The following KSR2 variants were observed in gnomAD, a reference collection of about 807,000 sequenced individuals.
KSR2 encodes kinase suppressor of ras 2.
KSR2 carries 25 observed loss-of-function variants against 107.8 expected under a neutral mutation model. The observed-to-expected ratio is 0.23, with a 90% CI of 0.17 to 0.32. The LOEUF (loss-of-function observed/expected upper bound fraction) is 0.32, where lower values mean the gene tolerates loss of function less well. KSR2 is among the 10% of genes least tolerant of loss of function. The pLI is 1.00. For missense variants in KSR2, 887 were observed against 1,268.9 expected, an observed-to-expected ratio of 0.70 and a Z score of 4.57; for synonymous variants, 480 against 507.0, an observed-to-expected ratio of 0.95 and a Z score of 0.71.
chr12:117,765,979 C>T lies in KSR2; in HGVS notation c.473-4455G>A, dbSNP rs112516327. Among the ~76,000 whole-genome samples the T allele has an allele frequency of 1.2e-4, 18 of 152,286 alleles. 2 individuals carry two copies. Among genetic ancestry groups the T allele is most frequent in the African/African-American group, 3.6e-4 (15 of 41,568 alleles). ...TGCCCAGGCATTCACTATGCCAGCC[C>T]CTGCCCTCAAGATGATCCCAGTCTA... On this transcript the variant is annotated intron_variant, in intron 3 of 19. Transcript: ENST00000339824.
At chr12:117,752,844 T>C (rs1292366899) in intron 4 of KSR2, among the ~76,000 whole-genome samples, 2 of 152,236 alleles carry the variant, frequency 1.3e-5, no homozygotes, top group Non-Finnish European at 2.9e-5. Context: ...GCCATTTGTA[T>C]TGTGGGCAGA....
intron 14 of KSR2, among the ~76,000 whole-genome samples, chr12:117,497,079 T>C (rs777780647): frequency 3.9e-5 from 6 of 151,922 alleles, no homozygotes; most frequent in African/African-American, 7.3e-5. Context: ...GGTATCACCA[T>C]GTTGTCCAGG....
At chr12:117,737,390 G>A (rs1887986517) in intron 4 of KSR2, among the ~76,000 whole-genome samples, 1 of 152,118 alleles carries the variant, frequency 6.6e-6, no homozygotes, top group African/African-American at 2.4e-5. Flanking sequence ...CAGGAAATGG[G>A]TTAAGGTGGT....
intron 3 of KSR2, among the ~76,000 whole-genome samples, chr12:117,833,469 C>T (rs1447877460): frequency 6.6e-6 from 1 of 152,128 alleles, no homozygotes; most frequent in Non-Finnish European, 1.5e-5. Context: ...CTCAAGAGAT[C>T]CTCCAGCCTT....
At chr12:117,846,898 A>G (rs1039210558) in intron 3 of KSR2, among the ~76,000 whole-genome samples, 39 of 152,302 alleles carry the variant, frequency 2.6e-4, no homozygotes, top group African/African-American at 9.4e-4. Context: ...AGCCTTCCCC[A>G]CCACTGTTAT....
intron 7 of KSR2, among the ~76,000 whole-genome samples, chr12:117,568,759 C>G (rs1009981394): frequency 6.6e-6 from 1 of 152,108 alleles, no homozygotes; most frequent in African/African-American, 2.4e-5. Context: ...CTAATCCCAC[C>G]TCAGCCCCCA....
At chr12:117,666,411 T>A (rs1016896815) in intron 5 of KSR2, among the ~76,000 whole-genome samples, 1 of 152,226 alleles carries the variant, frequency 6.6e-6, no homozygotes, top group South Asian at 2.1e-4. Context: ...CTGCTGAGTA[T>A]TTGAGCGGTC....
At chr12:117,744,578 C>T (rs947430019) in intron 4 of KSR2, among the ~76,000 whole-genome samples, 2 of 152,148 alleles carry the variant, frequency 1.3e-5, no homozygotes, top group African/African-American at 4.8e-5. Context: ...TCTAAGTTGG[C>T]TAGCAGGAAG....
Position 117,524,971 on chromosome 12 carries a change from G to C in KSR2, c.2100C>G (p.Asn700Lys). The C allele has an allele frequency of 6.2e-7, 1 of 1,613,844 alleles. No individual in the cohort carries two copies. ...AIRLIDIERDNEDQLKAFKRE... is the reference protein window; with the variant it reads ...AIRLIDIERDKEDQLKAFKRE... Reference sequence around the variant, plus strand: ...GCTTGAAGGCCTTGAGCTGGTCCTCGTTGTCCCTCTCAATGTCAATCAGCC... The same window carrying C: ...GCTTGAAGGCCTTGAGCTGGTCCTCCTTGTCCCTCTCAATGTCAATCAGCC... The change falls in exon 14 of 20, where the codon AAC becomes AAG. Residue 700 changes from asparagine (N) to lysine (K), a missense_variant. Coordinates refer to ENST00000339824, the MANE Select transcript of KSR2 (RefSeq NM_173598.6).
At chr12:117,734,600 TTCAGTCTGCTGACTTA>T (rs1332125764) in intron 4 of KSR2, among the ~76,000 whole-genome samples, 2 of 152,202 alleles carry the variant, frequency 1.3e-5, no homozygotes, top group Non-Finnish European at 2.9e-5. Context: ...ACATTGTTGT[TTCAGTCTGCTGACTTA>T]TCATTCTTTT....
intron 14 of KSR2, among the ~76,000 whole-genome samples, chr12:117,524,055 A>G (rs1565883000): frequency 1.3e-5 from 2 of 152,280 alleles, no homozygotes; most frequent in East Asian, 3.9e-4. Flanking sequence ...TTTGTAAATG[A>G]CGTTTTATTG....
chr12:117,583,389 A>G (rs970153379), intron 5 of KSR2, among the ~76,000 whole-genome samples: 1 of 145,100 alleles, frequency 6.9e-6, no homozygotes, highest in Non-Finnish European at 1.5e-5. Context: ...GGATAGATGG[A>G]TGGGTGGGTG....
chr12:117,659,387 A>G (rs535223159), intron 5 of KSR2, among the ~76,000 whole-genome samples: 12 of 152,314 alleles, frequency 7.9e-5, no homozygotes, highest in Non-Finnish European at 1.5e-4. Context: ...AGAACCCAGA[A>G]GTTGCCTCTC....
At chr12:117,652,720 T>C (rs1346070251) in intron 5 of KSR2, among the ~76,000 whole-genome samples, 1 of 152,234 alleles carries the variant, frequency 6.6e-6, no homozygotes, top group African/African-American at 2.4e-5. Flanking sequence ...CAGGGACTAC[T>C]GGACACTGAC....
chr12:117,740,394 AAT>A, intron 4 of KSR2, among the ~76,000 whole-genome samples: 1 of 138,430 alleles, frequency 7.2e-6, no homozygotes, highest in South Asian at 2.2e-4. Flanking sequence ...TACCATATAT[AAT>A]ATATGTACTA....
intron 1 of KSR2, among the ~76,000 whole-genome samples, chr12:117,927,611 T>C (rs1895567760): frequency 6.6e-6 from 1 of 151,504 alleles, no homozygotes; most frequent in Admixed American, 6.6e-5. Context: ...AAGAATCACT[T>C]GACCCTGAGG....
chr12:117,759,978 A>G (rs493907), intron 4 of KSR2, among the ~76,000 whole-genome samples: 136,743 of 152,186 alleles, frequency 0.9, 61,715 homozygotes, highest in African/African-American at 0.97. Context: ...GCGTGGTGGC[A>G]CAGGCCTGTA....
At position 117,917,513 on chromosome 12, in the gene KSR2, T is replaced by C. The variant is rs367954695; in HGVS notation, c.180+50563A>G. On this transcript the variant is annotated intron_variant, in intron 1 of 19. Coordinates refer to ENST00000339824, the MANE Select transcript of KSR2 (RefSeq NM_173598.6). The stretch of plus-strand genomic sequence containing the variant: ...TCATGTCACTGCACTCCAGCCTGGA[T>C]GATGGCAAGATCCTGTCTCTAAAAA... Among the ~76,000 whole-genome samples, 13 of 152,244 alleles carry C rather than the reference T, an allele frequency of 8.5e-5. No homozygotes were observed. The South Asian group carries it at 2.7e-3, about 32-fold the overall frequency.
At chr12:117,964,442 T>A (rs1041123073) in intron 1 of KSR2, among the ~76,000 whole-genome samples, 1 of 152,222 alleles carries the variant, frequency 6.6e-6, no homozygotes, top group African/African-American at 2.4e-5. Context: ...TTAAGTACAG[T>A]GCCTGGATGT....
Sources: gnomAD v4.1 joint callset for allele counts (sites outside exome capture counted in the v4.1 genomes callset) on GRCh38, gnomAD v4.1.1 for gene constraint, MANE v1.5 for transcripts, NCBI Gene and HGNC (gene_info 2026-07-23, HGNC 2026-07-21) for gene names.